ALOX5: variants seen among roughly 807,000 people sequenced by gnomAD.
ALOX5 encodes the protein polyunsaturated fatty acid 5-lipoxygenase.
ALOX5 carries 64 observed loss-of-function variants against 87.9 expected under a neutral mutation model. The ratio of observed to expected loss-of-function variants is 0.73; its 90% CI spans 0.60 to 0.90. The LOEUF (loss-of-function observed/expected upper bound fraction) is 0.90, where lower values mean the gene tolerates loss of function less well. Among genes scored for constraint, ALOX5 ranks in the 40% least tolerant of loss-of-function variants. The pLI is 0.00. For missense variants in ALOX5, 822 were observed against 907.5 expected, an observed-to-expected ratio of 0.91 and a Z score of 1.21; for synonymous variants, 388 against 355.1, an observed-to-expected ratio of 1.09 and a Z score of -1.04.
At chr10:45,417,971 A>AGTGCTGCAG (rs1173913741) in intron 4 of ALOX5, among the ~76,000 whole-genome samples, 5 of 152,178 alleles carry the variant, frequency 3.3e-5, no homozygotes, top group Admixed American at 3.3e-4. Flanking sequence ...TGGCCCCAGA[A>AGTGCTGCAG]GTGCTGCAGC....
chr10:45,377,382 T>G (rs1467414961), intron 1 of ALOX5, among the ~76,000 whole-genome samples: 1 of 150,912 alleles, frequency 6.6e-6, no homozygotes, highest in Non-Finnish European at 1.5e-5. Flanking sequence ...CCCAGTTCCC[T>G]AAATGCCCCC....
intron 4 of ALOX5, among the ~76,000 whole-genome samples, chr10:45,419,759 G>A (rs898762072): frequency 1.2e-4 from 11 of 92,500 alleles, no homozygotes; most frequent in African/African-American, 4.6e-4. Context: ...AGGGGTGTAG[G>A]GAAGGAGCGA....
intron 4 of ALOX5, among the ~76,000 whole-genome samples, chr10:45,423,020 C>T (rs1346939574): frequency 6.6e-6 from 1 of 152,204 alleles, no homozygotes; most frequent in East Asian, 1.9e-4. Context: ...GGGTACCCCA[C>T]CCTCGTGACC....
chr10:45,419,413 C>T (rs540990303), intron 4 of ALOX5, among the ~76,000 whole-genome samples: 2 of 151,794 alleles, frequency 1.3e-5, no homozygotes, highest in African/African-American at 2.4e-5. Context: ...GAGAAGCTGA[C>T]GAGTGACTCC....
At chr10:45,399,647 T>G (rs1840629156) in intron 3 of ALOX5, among the ~76,000 whole-genome samples, 1 of 152,178 alleles carries the variant, frequency 6.6e-6, no homozygotes, top group South Asian at 2.1e-4. Flanking sequence ...AAGTTAGATG[T>G]CATTAAAATG....
intron 11 of ALOX5, 24 bp from the exon 12 acceptor site, chr10:45,443,704 A>C: frequency 6.2e-7 from 1 of 1,603,606 alleles, no homozygotes; most frequent in Admixed American, 1.7e-5. Flanking sequence ...ACTGGGCCTC[A>C]GCCCGCCGGT....
Position 45,443,477 on chromosome 10 carries a change from G to T in ALOX5, c.1513G>T (p.Glu505Ter). 6.2e-7 allele frequency: 1 copy of T among 1,613,184 alleles called. No individual in the cohort carries two copies. Among genetic ancestry groups the T allele is most frequent in the Non-Finnish European group, 8.5e-7 (1 of 1,179,586 alleles). ...EGDQVVEEDPELQDFVNDVYV... is the reference protein window; with the variant it reads ...EGDQVVEEDP ...CGACCAGGTGGTGGAGGAGGACCCG[G>T]AGCTGCAGGACTTCGTGAACGATGT... Residue 505 changes from glutamate to a stop codon, truncating the protein, a stop_gained, in exon 11 of 14, where the codon GAG becomes TAG. Transcript: ENST00000374391. LOFTEE classifies it high-confidence loss of function.
intron 7 of ALOX5, 97 bp downstream of exon 7, chr10:45,428,861 G>A: frequency 6.7e-7 from 1 of 1,494,314 alleles, no homozygotes; most frequent in Non-Finnish European, 9.1e-7. Flanking sequence ...AGGAAGCTAT[G>A]TCTTGAAAGA....
At chr10:45,389,366 A>G (rs1289389337) in intron 2 of ALOX5, among the ~76,000 whole-genome samples, 2 of 152,232 alleles carry the variant, frequency 1.3e-5, no homozygotes, top group Admixed American at 6.5e-5. Flanking sequence ...CTCCTTGAGA[A>G]GAGCAACTCC....
chr10:45,376,527 A>G (rs1839620638), intron 1 of ALOX5, among the ~76,000 whole-genome samples: 1 of 152,228 alleles, frequency 6.6e-6, no homozygotes, highest in Admixed American at 6.5e-5. Context: ...TTTTTGGGTA[A>G]AGGTAAAAGA....
chr10:45,431,698 G>A (rs758271786), intron 7 of ALOX5, among the ~76,000 whole-genome samples: 7 of 151,622 alleles, frequency 4.6e-5, no homozygotes, highest in African/African-American at 1.5e-4. Flanking sequence ...TCAGCCTCCC[G>A]AGTAGCTGGG....
intron 7 of ALOX5, among the ~76,000 whole-genome samples, chr10:45,434,107 T>G (rs1841993885): frequency 6.6e-6 from 1 of 152,236 alleles, no homozygotes; most frequent in South Asian, 2.1e-4. Context: ...CTCGGGATTT[T>G]CCTTCATTTC....
At chr10:45,443,864 T>G (rs1842335667) in intron 12 of ALOX5, 36 bp downstream of exon 12, 1 of 1,560,498 alleles carries the variant, frequency 6.4e-7, no homozygotes, top group East Asian at 2.4e-5. Flanking sequence ...AGGGCTCCCT[T>G]CTCAAGGCCG....
chr10:45,430,795 A>G (rs1468603913), intron 7 of ALOX5, among the ~76,000 whole-genome samples: 1 of 152,194 alleles, frequency 6.6e-6, no homozygotes, highest in Non-Finnish European at 1.5e-5. Flanking sequence ...AAACAGACCT[A>G]CACAGCGAGC....
intron 2 of ALOX5, 139 bp from the exon 3 acceptor site, chr10:45,395,716 A>C: frequency 3.1e-6 from 2 of 653,510 alleles, no homozygotes; most frequent in South Asian, 1.9e-5. Flanking sequence ...TAATTGGGGA[A>C]GTGCTCTGAG....
chr10:45,391,338 G>A (rs1281054550), intron 2 of ALOX5, among the ~76,000 whole-genome samples: 20 of 144,880 alleles, frequency 1.4e-4, no homozygotes, highest in South Asian at 4.4e-4. Context: ...CGAGTGATCC[G>A]CCAGCCTCGG....
intron 1 of ALOX5, among the ~76,000 whole-genome samples, chr10:45,375,198 G>C (rs918531356): frequency 6.6e-6 from 1 of 152,212 alleles, no homozygotes; most frequent in African/African-American, 2.4e-5. Flanking sequence ...CCTCCCAGCA[G>C]AATGTACACC....
In ALOX5 at chr10:45,443,478, A is replaced by C; in HGVS notation, c.1514A>C (p.Glu505Ala). The change falls in exon 11 of 14, where the codon GAG becomes GCG. Residue 505 changes from glutamate to alanine, a missense_variant. By Grantham distance (107) the Glu-to-Ala change is moderately radical. Transcript: ENST00000374391. Reference protein sequence around the residue: ...EGDQVVEEDPELQDFVNDVYV... With the variant: ...EGDQVVEEDPALQDFVNDVYV... ...GACCAGGTGGTGGAGGAGGACCCGG[A>C]GCTGCAGGACTTCGTGAACGATGTC... The C allele has an allele frequency of 6.2e-7, 1 of 1,613,142 alleles. No individual in the cohort carries two copies. The highest frequency in any genetic ancestry group is 8.5e-7 in the Non-Finnish European group (1 of 1,179,566).
chr10:45,382,438 G>T (rs1344078228), intron 1 of ALOX5, 45 bp from the exon 2 acceptor site: 4 of 1,607,952 alleles, frequency 2.5e-6, no homozygotes, highest in Non-Finnish European at 3.4e-6. Context: ...CAGAACAAAG[G>T]CTCAGGAGAC....
Sources: gnomAD v4.1 joint callset for allele counts (sites outside exome capture counted in the v4.1 genomes callset) on GRCh38, gnomAD v4.1.1 for gene constraint, MANE v1.5 for transcripts, NCBI Gene and HGNC (gene_info 2026-07-23, HGNC 2026-07-21) for gene names.